Variants in FES observed in about 807,000 individuals in gnomAD.
FES encodes the protein tyrosine-protein kinase Fes/Fps.
Under a neutral mutation model 109.6 loss-of-function variants are expected in FES, and 83 were observed. The ratio of observed to expected loss-of-function variants is 0.76; its 90% CI spans 0.63 to 0.91. FES has a LOEUF of 0.91. FES is among the 40% of genes least tolerant of loss of function. The pLI, the probability that FES is intolerant of heterozygous loss-of-function variation, is 0.00. For missense variants in FES, 943 were observed against 1,070.9 expected (o/e 0.88, Z 1.67); for synonymous variants, 458 against 442.1 (o/e 1.04, Z -0.45).
rs2033223751 is a variant in FES, at chr15:90,891,606, A to G, written c.1583A>G (p.Asp528Gly). 1.2e-6 allele frequency: 2 copies of G among 1,613,866 alleles called. No individual in the cohort carries two copies. The highest frequency in any genetic ancestry group is 1.3e-5 in the African/African-American group (1 of 74,922). ...TTTCCTAGCATTCCTTTGCTCATCG[A>G]CCACCTACTGAGCACCCAGCAGCCC... ...EGFPSIPLLIDHLLSTQQPLT... is the reference protein window; with the variant it reads ...EGFPSIPLLIGHLLSTQQPLT... Residue 528 changes from aspartate to glycine, a missense_variant, in exon 12 of 19, where the codon GAC becomes GGC. Asp to Gly is a moderately conservative substitution (Grantham distance 94, BLOSUM62 -1). Coordinates refer to ENST00000328850, the MANE Select transcript of FES (RefSeq NM_002005.4).
At position 90,887,409 on chromosome 15, in the gene FES, G is replaced by T; in HGVS notation, c.668+39G>T. ...CCCGTCCCCTGGCCCCCACCCTTGA[G>T]CAGCCCTAAGCCCAGCCATCAGGCC... On this transcript the variant is annotated intron_variant, in intron 5 of 18. Coordinates refer to ENST00000328850, the MANE Select transcript of FES (RefSeq NM_002005.4). 1.9e-6 allele frequency: 3 copies of T among 1,563,000 alleles called. No homozygotes were observed. The East Asian group carries it at 6.9e-5, about 36-fold the overall frequency.
rs904444529 is a variant in FES at position 90,892,970 on chromosome 15, G to C, written c.1827-130G>C. ...GTAGTACCCCCTTATAGTGCCGAAG[G>C]GTAGAGGCTGCCCCAGGTCACACGT... is the stretch of plus-strand genomic sequence containing the variant. On this transcript the variant is annotated intron_variant, in intron 14 of 18. Coordinates refer to ENST00000328850, the MANE Select transcript of FES (RefSeq NM_002005.4). 5 of 1,320,128 alleles carry C rather than the reference G, an allele frequency of 3.8e-6. No individual in the cohort carries two copies. In the South Asian group the frequency reaches 6.2e-5, roughly 16 times the overall value. The allele number at this position is 1,320,128 out of a possible 1,614,324, so 81.8% of individuals were successfully genotyped here. A position where few individuals can be genotyped will look rare whatever the true frequency, so the allele number is the denominator to read the frequency against.
At chr15:90,890,340 T>G (rs1400151565) in intron 9 of FES, 61 bp from the exon 10 acceptor site, 3 of 1,594,054 alleles carry the variant, frequency 1.9e-6, no homozygotes, top group Non-Finnish European at 2.6e-6. Flanking sequence ...GCTGCGCTCC[T>G]CATTTTCGCC....
chr15:90,895,769 C>G lies in FES; in HGVS notation c.*211C>G. On this transcript the variant is annotated 3_prime_UTR_variant, in exon 19 of 19. Coordinates refer to ENST00000328850, the MANE Select transcript of FES (RefSeq NM_002005.4). ...GCAGAAACAATAAAACCACTTGTGC[C>G]CACTGAACACTCCTGGCATGTGCAC... 2.2e-6 allele frequency: 1 copy of G among 453,452 alleles called. No homozygotes were observed. The allele number at this position is 453,452 out of a possible 1,614,324, so 28.1% of individuals were successfully genotyped here.
At position 90,885,162 on chromosome 15, in the gene FES, G is replaced by A. The variant is rs755270356; in HGVS notation, c.117G>A (p.Lys39=). The change falls in exon 2 of 19, where the codon AAG becomes AAA. Residue 39 remains lysine, a synonymous_variant. Coordinates refer to ENST00000328850, the MANE Select transcript of FES (RefSeq NM_002005.4). ...GMRKWMAQRV[K]SDREYAGLLH... ...GAAAGTGGATGGCCCAGCGGGTCAAGAGTGACAGGGAGTATGCAGGACTGC... is the reference window on the plus strand; with the variant it reads ...GAAAGTGGATGGCCCAGCGGGTCAAAAGTGACAGGGAGTATGCAGGACTGC... 3.7e-6 allele frequency: 6 copies of A among 1,613,952 alleles called. No individual in the cohort carries two copies. The highest frequency in any genetic ancestry group is 1.1e-5 in the South Asian group (1 of 91,090).
chr15:90,893,462 CAA>C (rs1401303464), intron 16 of FES, 48 bp downstream of exon 16: 2 of 1,514,300 alleles, frequency 1.3e-6, no homozygotes, highest in African/African-American at 2.8e-5. Context: ...CGACCAGAGT[CAA>C]GAGGTACCTA....
chr15:90,890,502 TG>T lies in FES; in HGVS notation c.1320+21del, dbSNP rs1411311956. The T allele has an allele frequency of 5.0e-6, 8 of 1,605,450 alleles. No homozygotes were observed. In the Middle Eastern group the frequency reaches 6.6e-4, roughly 133 times the overall value. On this transcript the variant is annotated intron_variant, in intron 10 of 18. Coordinates refer to ENST00000328850, the MANE Select transcript of FES (RefSeq NM_002005.4). ...AGTTCTCGGTGAGTGGCGCCCAGCC[TG>T]GGCCCCCCTACTGTTGTGTTTCGAG...
chr15:90,893,598 G>C, intron 16 of FES, 56 bp from the exon 17 acceptor site: 1 of 1,524,832 alleles, frequency 6.6e-7, no homozygotes, highest in South Asian at 1.3e-5. Context: ...AGAGTGTTCA[G>C]CCAGGGCTGG....
Position 90,894,167 on chromosome 15 carries a change from A to G in FES, c.2326+109A>G, listed in dbSNP as rs556123077. On this transcript the variant is annotated intron_variant, in intron 18 of 18. Transcript: ENST00000328850. ...AACCTTCCCACCAGGCAGAATAAGAATAACCTGGCCAGTTGCTCACGCCTG... is the reference window on the plus strand; with the variant it reads ...AACCTTCCCACCAGGCAGAATAAGAGTAACCTGGCCAGTTGCTCACGCCTG... 1.5e-4 allele frequency: 201 copies of G among 1,329,310 alleles called. No individual in the cohort carries two copies. In the South Asian group the frequency reaches 2.6e-3, roughly 17 times the overall value. The allele number at this position is 1,329,310 out of a possible 1,614,324, so 82.3% of individuals were successfully genotyped here.
chr15:90,888,563 C>T (rs888804360), intron 5 of FES, among the ~76,000 whole-genome samples: 3 of 129,354 alleles, frequency 2.3e-5, no homozygotes, highest in Middle Eastern at 4.2e-3. Context: ...GGAGGTGAGG[C>T]GCGGTCAGGT....
chr15:90,893,890 AG>A, intron 17 of FES, 45 bp from the exon 18 acceptor site: 1 of 1,611,576 alleles, frequency 6.2e-7, no homozygotes, highest in Non-Finnish European at 8.5e-7. Flanking sequence ...CCCTGGCCCC[AG>A]GGAGGGTGCA....
intron 5 of FES, among the ~76,000 whole-genome samples, chr15:90,887,969 G>T (rs2032820444): frequency 6.6e-6 from 1 of 152,166 alleles, no homozygotes. Context: ...TGAGGGAGGG[G>T]GAGAGTCATA....
chr15:90,885,691 C>T, intron 3 of FES, 106 bp downstream of exon 3: 13 of 1,472,710 alleles, frequency 8.8e-6, no homozygotes, highest in Non-Finnish European at 1.2e-5. Flanking sequence ...GTGTAAGTCC[C>T]TGACCGCAGG....
Position 90,889,067 on chromosome 15 carries a change from G to A in FES, c.669-239G>A, listed in dbSNP as rs747853098. The A allele has an allele frequency of 2.0e-5, 11 of 541,056 alleles. No homozygotes were observed. Among genetic ancestry groups the A allele is most frequent in the African/African-American group, 1.1e-4 (6 of 52,896 alleles). 33.5% of individuals were successfully genotyped at this position (541,056 alleles called of 1,614,324 possible). On this transcript the variant is annotated intron_variant, in intron 5 of 18. Coordinates refer to ENST00000328850, the MANE Select transcript of FES (RefSeq NM_002005.4). The surrounding 1 kb of genome is among the most constrained non-coding windows in gnomAD (Gnocchi z 6.1). ...ACCTCCCAGTGTTGGTATTATAGGCGTGAGCCACTGTGCCTGGCCCACTGG... is the reference window on the plus strand; with the variant it reads ...ACCTCCCAGTGTTGGTATTATAGGCATGAGCCACTGTGCCTGGCCCACTGG...
chr15:90,894,816 C>T (rs1317919286), intron 18 of FES, among the ~76,000 whole-genome samples: 1 of 152,044 alleles, frequency 6.6e-6, no homozygotes, highest in Non-Finnish European at 1.5e-5. Flanking sequence ...CCTGTAATTT[C>T]AACATTTTGG....
At chr15:90,888,972 A>G (rs2032933898) in intron 5 of FES, among the ~76,000 whole-genome samples, 2 of 151,800 alleles carry the variant, frequency 1.3e-5, no homozygotes. Flanking sequence ...TTGCTTTTTC[A>G]GTAGAGATGG....
rs556532119 is a variant in FES, at chr15:90,887,504, G to A, written c.668+134G>A. 6.6e-5 allele frequency: 63 copies of A among 949,260 alleles called. No homozygotes were observed. In the African/African-American group the frequency reaches 7.9e-4, roughly 12 times the overall value. The allele number at this position is 949,260 out of a possible 1,614,324, so 58.8% of individuals were successfully genotyped here. A position where few individuals can be genotyped will look rare whatever the true frequency, so the allele number is the denominator to read the frequency against. On this transcript the variant is annotated intron_variant, in intron 5 of 18. Coordinates refer to ENST00000328850, the MANE Select transcript of FES (RefSeq NM_002005.4). ...ATGTAACCACATGAGAACGGGACCT[G>A]GGCCAAGGATTGGAAACAGGCAACT...
chr15:90,890,506 C>T (rs773923402), intron 10 of FES, 22 bp downstream of exon 10: 8 of 1,599,954 alleles, frequency 5.0e-6, no homozygotes, highest in African/African-American at 1.3e-5. Flanking sequence ...CCAGCCTGGG[C>T]CCCCCTACTG....
At chr15:90,885,992 C>G (rs1426584528) in intron 3 of FES, among the ~76,000 whole-genome samples, 1 of 152,208 alleles carries the variant, frequency 6.6e-6, no homozygotes, top group Non-Finnish European at 1.5e-5. Flanking sequence ...AGCATGGCCC[C>G]CCGAAGGTCG....
Sources: gnomAD v4.1 joint callset for allele counts (sites outside exome capture counted in the v4.1 genomes callset) on GRCh38, gnomAD v4.1.1 for gene constraint, Gnocchi (gnomAD v3.1) non-coding constraint, MANE v1.5 for transcripts, NCBI Gene and HGNC (gene_info 2026-07-23, HGNC 2026-07-21) for gene names.